Variants in RCAN1 observed in about 807,000 individuals in gnomAD.
RCAN1 encodes the protein calcipressin-1.
RCAN1 carries 11 observed loss-of-function variants against 22.9 expected under a neutral mutation model. The ratio of observed to expected loss-of-function variants is 0.48; its 90% CI spans 0.30 to 0.79. RCAN1 has a LOEUF of 0.79. Among genes scored for constraint, RCAN1 ranks in the 30% least tolerant of loss-of-function variants. The pLI is 0.06. For synonymous variants in RCAN1, 136 were observed against 142.3 expected, an observed-to-expected ratio of 0.96 and a Z score of 0.32; for missense variants, 291 against 337.8, an observed-to-expected ratio of 0.86 and a Z score of 1.09.
intron 1 of RCAN1, among the ~76,000 whole-genome samples, chr21:34,572,851 G>T (rs62211898): frequency 0.016 from 2,361 of 152,318 alleles, 23 homozygotes; most frequent in Non-Finnish European, 0.026. Context: ...CATGACAGCA[G>T]GAGAGAGACA....
At chr21:34,569,481 T>C (rs1282401425) in intron 1 of RCAN1, among the ~76,000 whole-genome samples, 3 of 152,188 alleles carry the variant, frequency 2.0e-5, no homozygotes, top group East Asian at 3.8e-4. Flanking sequence ...TGTGTTACCA[T>C]ATCCTAGATT....
In RCAN1 at chr21:34,534,351, TCC is replaced by T. The variant is rs541898779; in HGVS notation, c.253-10643_253-10642del. 5.9e-5 allele frequency among the ~76,000 whole-genome samples: 9 copies of T among 152,062 alleles called. No homozygotes were observed. In the East Asian group the frequency reaches 1.7e-3, roughly 30 times the overall value. The stretch of plus-strand genomic sequence containing the variant: ...AAAGCCTATCATTAAGTCCAATTCC[TCC>T]AGGAGCTCCCCCATCCCCCAACTAA... On this transcript the variant is annotated intron_variant, in intron 1 of 3. Coordinates refer to ENST00000313806, the MANE Select transcript of RCAN1 (RefSeq NM_004414.7).
intron 1 of RCAN1, among the ~76,000 whole-genome samples, chr21:34,544,425 C>T (rs1238702999): frequency 6.6e-6 from 1 of 152,122 alleles, no homozygotes; most frequent in African/African-American, 2.4e-5. Flanking sequence ...GCAGATTCTC[C>T]GCAAGAGTCT....
At chr21:34,581,267 C>G (rs1235417653) in intron 1 of RCAN1, among the ~76,000 whole-genome samples, 1 of 152,166 alleles carries the variant, frequency 6.6e-6, no homozygotes, top group Non-Finnish European at 1.5e-5. Flanking sequence ...AATCCCTATT[C>G]CAACATCCCA....
At chr21:34,525,439 C>T (rs2123588553) in intron 1 of RCAN1, 1 of 1,397,518 alleles carries the variant, frequency 7.2e-7, no homozygotes, top group Non-Finnish European at 9.4e-7. Context: ...CTCTTTTTCC[C>T]CACCTCTCTT....
At position 34,569,243 on chromosome 21, in the gene RCAN1, G is replaced by C. The variant is rs540694295; in HGVS notation, c.252+45517C>G. 5.4e-4 allele frequency among the ~76,000 whole-genome samples: 83 copies of C among 152,310 alleles called. 1 individual carries two copies. In the South Asian group the frequency reaches 0.017, roughly 31 times the overall value. On this transcript the variant is annotated intron_variant, in intron 1 of 3. Coordinates refer to ENST00000313806, the MANE Select transcript of RCAN1 (RefSeq NM_004414.7). ...AGGTTGCATAGGTTTCTGTGGGCTT[G>C]AGAATACAGTATTGTCTCTGTGGAA...
intron 1 of RCAN1, among the ~76,000 whole-genome samples, chr21:34,608,852 C>G (rs754079754): frequency 4.6e-5 from 7 of 152,038 alleles, no homozygotes; most frequent in Non-Finnish European, 8.8e-5. Flanking sequence ...ACCAAGGCAT[C>G]GGTAGGATAA....
intron 1 of RCAN1, among the ~76,000 whole-genome samples, chr21:34,534,974 A>G (rs1259727802): frequency 1.3e-5 from 2 of 152,230 alleles, no homozygotes; most frequent in Admixed American, 6.5e-5. Flanking sequence ...CACCAACCCC[A>G]TGACAAGAGG....
intron 1 of RCAN1, among the ~76,000 whole-genome samples, chr21:34,533,317 A>G (rs1386769017): frequency 1.3e-5 from 2 of 151,758 alleles, no homozygotes; most frequent in Non-Finnish European, 2.9e-5. Context: ...GTCCCTGTCC[A>G]CTCCATTCTC....
intron 1 of RCAN1, among the ~76,000 whole-genome samples, chr21:34,562,502 GCCAC>G (rs1218615550): frequency 4.6e-5 from 7 of 152,192 alleles, no homozygotes; most frequent in African/African-American, 1.7e-4. Context: ...CATGGGTGGT[GCCAC>G]CTCAGTCCCT....
rs779245768 is a variant in RCAN1 at position 34,521,414 on chromosome 21, CG to C, written c.586+84del. 5.6e-6 allele frequency: 9 copies of C among 1,603,942 alleles called. No homozygotes were observed. In the South Asian group the frequency reaches 1.0e-4, roughly 18 times the overall value. The stretch of plus-strand genomic sequence containing the variant: ...TGCCGGCATGGGCTCAGGAGAGCTA[CG>C]GGGGTAGTGGTGGTACTGCTCCCTG... On this transcript the variant is annotated intron_variant, in intron 3 of 3. Transcript: ENST00000313806.
chr21:34,587,906 C>G (rs535086871), intron 1 of RCAN1, among the ~76,000 whole-genome samples: 136 of 152,246 alleles, frequency 8.9e-4, no homozygotes, highest in African/African-American at 3.2e-3. Context: ...GGGAGCTCAT[C>G]CAATCAGTTA....
intron 1 of RCAN1, among the ~76,000 whole-genome samples, chr21:34,546,038 T>G (rs1287117532): frequency 6.6e-6 from 1 of 152,230 alleles, no homozygotes; most frequent in Non-Finnish European, 1.5e-5. Flanking sequence ...TGAAAAACGC[T>G]CATAGAAATG....
At chr21:34,610,132 A>G (rs1988643983) in intron 1 of RCAN1, among the ~76,000 whole-genome samples, 1 of 152,208 alleles carries the variant, frequency 6.6e-6, no homozygotes, top group South Asian at 2.1e-4. Context: ...CACATTTTAC[A>G]ATATGCTACA....
At chr21:34,521,149 A>G (rs959501417) in intron 3 of RCAN1, 2 of 1,278,468 alleles carry the variant, frequency 1.6e-6, no homozygotes, top group African/African-American at 3.1e-5. Flanking sequence ...TCCAAAGTCC[A>G]ATCACTCATC....
At chr21:34,589,479 TAAGAG>T (rs1987902249) in intron 1 of RCAN1, among the ~76,000 whole-genome samples, 2 of 152,130 alleles carry the variant, frequency 1.3e-5, no homozygotes, top group South Asian at 4.1e-4. Flanking sequence ...GTTGAAAAAA[TAAGAG>T]AAGATTTAGA....
At chr21:34,551,240 C>A (rs181382664) in intron 1 of RCAN1, among the ~76,000 whole-genome samples, 3 of 152,302 alleles carry the variant, frequency 2.0e-5, no homozygotes, top group Admixed American at 2.0e-4. Flanking sequence ...GAACACTCTT[C>A]CTTTTTGGAT....
intron 1 of RCAN1, among the ~76,000 whole-genome samples, chr21:34,597,520 A>C (rs1397255047): frequency 6.6e-6 from 1 of 152,214 alleles, no homozygotes; most frequent in East Asian, 1.9e-4. Flanking sequence ...CTTGGAGCCT[A>C]TGTAAAAGTA....
At chr21:34,526,851 A>G in intron 1 of RCAN1, 1 of 1,496,182 alleles carries the variant, frequency 6.7e-7, no homozygotes, top group East Asian at 2.6e-5. Flanking sequence ...TGGTGCTTAT[A>G]AAGCAGTAAG....
Sources: gnomAD v4.1 joint callset for allele counts (sites outside exome capture counted in the v4.1 genomes callset) on GRCh38, gnomAD v4.1.1 for gene constraint, MANE v1.5 for transcripts, NCBI Gene and HGNC (gene_info 2026-07-23, HGNC 2026-07-21) for gene names.